Variants in KIAA0825 observed in about 807,000 individuals in gnomAD.
KIAA0825 encodes the protein uncharacterized protein KIAA0825.
KIAA0825 carries 119 observed loss-of-function variants against 147.6 expected under a neutral mutation model. That is an observed-to-expected ratio of 0.81 (90% CI 0.69 to 0.94). The LOEUF is 0.94. KIAA0825 is among the 40% of genes least tolerant of loss of function. The probability of loss-of-function intolerance (pLI) is 0.00; values close to 1 mark genes in which losing one functional copy is unlikely to be tolerated. For missense variants in KIAA0825, 1,381 were observed against 1,472.7 expected, an observed-to-expected ratio of 0.94 and a Z score of 1.02; for synonymous variants, 470 against 518.1, an observed-to-expected ratio of 0.91 and a Z score of 1.26.
chr5:94,160,408 T>C (rs919466668), intron 20 of KIAA0825, among the ~76,000 whole-genome samples: 1 of 150,262 alleles, frequency 6.7e-6, no homozygotes, highest in African/African-American at 2.4e-5. Context: ...GTAATATATG[T>C]ATACAGTATA....
chr5:94,483,159 T>C (rs1011040237), intron 6 of KIAA0825, among the ~76,000 whole-genome samples: 1 of 151,988 alleles, frequency 6.6e-6, no homozygotes, highest in East Asian at 1.9e-4. Flanking sequence ...TTCTTGGCCA[T>C]TTCAGTGTAA....
intron 17 of KIAA0825, among the ~76,000 whole-genome samples, chr5:94,392,733 T>A (rs1750067976): frequency 6.6e-6 from 1 of 152,212 alleles, no homozygotes; most frequent in Non-Finnish European, 1.5e-5. Flanking sequence ...GCCGCTGACC[T>A]GAAGACTGAA....
At chr5:94,165,798 A>G (rs1271908349) in intron 20 of KIAA0825, among the ~76,000 whole-genome samples, 2 of 152,220 alleles carry the variant, frequency 1.3e-5, no homozygotes, top group African/African-American at 4.8e-5. Flanking sequence ...GTATCTAAAA[A>G]TCAAAACAAT....
chr5:94,407,781 T>C (rs544976965), intron 15 of KIAA0825, among the ~76,000 whole-genome samples: 2 of 152,338 alleles, frequency 1.3e-5, no homozygotes, highest in Admixed American at 6.5e-5. Flanking sequence ...GTGAATCTAC[T>C]AAAAACCACT....
intron 15 of KIAA0825, among the ~76,000 whole-genome samples, chr5:94,412,508 C>T: frequency 6.6e-6 from 1 of 152,048 alleles, no homozygotes. Flanking sequence ...TCAAGTGCTT[C>T]TCATGCCTCA....
intron 20 of KIAA0825, among the ~76,000 whole-genome samples, chr5:94,361,884 C>T (rs958150476): frequency 3.3e-5 from 5 of 152,196 alleles, no homozygotes; most frequent in African/African-American, 1.2e-4. Flanking sequence ...GGCAGTCCTA[C>T]TGCTTTCAGG....
chr5:94,522,256 C>T (rs758163374), intron 4 of KIAA0825, among the ~76,000 whole-genome samples: 3 of 151,668 alleles, frequency 2.0e-5, no homozygotes, highest in Non-Finnish European at 3.0e-5. Context: ...CTGCTACACT[C>T]CAGAGAGCCA....
At chr5:94,182,129 C>A (rs993269857) in intron 20 of KIAA0825, among the ~76,000 whole-genome samples, 4 of 151,924 alleles carry the variant, frequency 2.6e-5, no homozygotes, top group Non-Finnish European at 4.4e-5. Context: ...TTCAGTGGGA[C>A]CTTCAGCGCA....
At chr5:94,272,125 A>C (rs1174186006) in intron 20 of KIAA0825, among the ~76,000 whole-genome samples, 1 of 151,486 alleles carries the variant, frequency 6.6e-6, no homozygotes, top group South Asian at 2.1e-4. Flanking sequence ...AAAAAAAAAA[A>C]AAAAAAACTA....
At chr5:94,520,027 A>G in intron 5 of KIAA0825, 2 of 1,126,720 alleles carry the variant, frequency 1.8e-6, no homozygotes, top group Non-Finnish European at 2.2e-6. Context: ...TTTTTGGCTT[A>G]TATTTCCAAT....
chr5:94,193,826 T>C (rs983162187), intron 20 of KIAA0825, among the ~76,000 whole-genome samples: 1 of 152,194 alleles, frequency 6.6e-6, no homozygotes, highest in African/African-American at 2.4e-5. Context: ...CTGTACCACC[T>C]CCTGTTTATT....
At position 94,384,968 on chromosome 5, in the gene KIAA0825, G is replaced by A. The variant is rs541121690; in HGVS notation, c.3620-510C>T. 9.2e-5 allele frequency among the ~76,000 whole-genome samples: 14 copies of A among 152,144 alleles called. No individual in the cohort carries two copies. In the South Asian group the frequency reaches 2.5e-3, roughly 27 times the overall value. On this transcript the variant is annotated intron_variant, in intron 19 of 20. Coordinates refer to ENST00000682413, the MANE Select transcript of KIAA0825 (RefSeq NM_001145678.3). ...AATGCTTTAAAGGGAAGATTATGAG[G>A]ATCTGTAAGTGTAAATTATATAAGT...
intron 3 of KIAA0825, among the ~76,000 whole-genome samples, chr5:94,525,078 C>T (rs1326062692): frequency 1.3e-5 from 2 of 151,788 alleles, no homozygotes; most frequent in Non-Finnish European, 1.5e-5. Flanking sequence ...TTCAAGAAAG[C>T]TTTCAAACAG....
intron 20 of KIAA0825, among the ~76,000 whole-genome samples, chr5:94,184,420 C>A (rs1769936328): frequency 6.6e-6 from 1 of 152,186 alleles, no homozygotes; most frequent in Admixed American, 6.5e-5. Context: ...CATTCTCACT[C>A]TGAAAAGGCC....
intron 20 of KIAA0825, among the ~76,000 whole-genome samples, chr5:94,255,859 G>A (rs911992990): frequency 3.3e-5 from 5 of 151,234 alleles, no homozygotes; most frequent in Non-Finnish European, 7.4e-5. Flanking sequence ...GAGTACAGGT[G>A]TAAGCGACCA....
intron 13 of KIAA0825, among the ~76,000 whole-genome samples, chr5:94,447,053 G>A (rs537804922): frequency 2.0e-5 from 3 of 152,216 alleles, no homozygotes; most frequent in South Asian, 2.1e-4. Context: ...TTGGATGGAC[G>A]TACCATTAGC....
At chr5:94,540,830 T>G (rs1017145725) in intron 2 of KIAA0825, among the ~76,000 whole-genome samples, 6 of 152,138 alleles carry the variant, frequency 3.9e-5, no homozygotes, top group African/African-American at 1.2e-4. Context: ...CTTTGAAAAA[T>G]TATTCAATTT....
At chr5:94,559,782 C>T (rs889881331) in intron 2 of KIAA0825, among the ~76,000 whole-genome samples, 2 of 152,194 alleles carry the variant, frequency 1.3e-5, no homozygotes, top group Non-Finnish European at 2.9e-5. Flanking sequence ...ACTTACCAGA[C>T]AATTCCACAT....
chr5:94,427,515 G>A (rs1755045148), intron 14 of KIAA0825, among the ~76,000 whole-genome samples: 1 of 152,080 alleles, frequency 6.6e-6, no homozygotes, highest in South Asian at 2.1e-4. Flanking sequence ...CAGCCTGGGT[G>A]AGAGTGCAAG....
Sources: gnomAD v4.1 joint callset for allele counts (sites outside exome capture counted in the v4.1 genomes callset) on GRCh38, gnomAD v4.1.1 for gene constraint, MANE v1.5 for transcripts, NCBI Gene and HGNC (gene_info 2026-07-23, HGNC 2026-07-21) for gene names.